The following CADPS2 variants were observed in gnomAD, a reference collection of about 807,000 sequenced individuals.
The protein encoded by CADPS2 is calcium-dependent secretion activator 2.
CADPS2 carries 93 observed loss-of-function variants against 172.5 expected under a neutral mutation model. The ratio of observed to expected loss-of-function variants is 0.54; its 90% confidence interval spans 0.46 to 0.64. The LOEUF (loss-of-function observed/expected upper bound fraction) is 0.64. Ranked by LOEUF, CADPS2 falls within the 30% of genes least tolerant of loss-of-function variation. The pLI is 0.00. For synonymous variants in CADPS2, 546 were observed against 555.2 expected, an observed-to-expected ratio of 0.98 and a Z score of 0.23; for missense variants, 1,420 against 1,565.9, an observed-to-expected ratio of 0.91 and a Z score of 1.57.
At chr7:122,625,052 TA>T (rs1316941194) in intron 4 of CADPS2, among the ~76,000 whole-genome samples, 4 of 60,854 alleles carry the variant, frequency 6.6e-5, no homozygotes, top group East Asian at 3.9e-4. Flanking sequence ...GATGATTAAT[TA>T]TTTTTTTTTT....
chr7:122,417,235 CATTCATTAAAT>C (rs2048030188), intron 17 of CADPS2, among the ~76,000 whole-genome samples: 2 of 152,126 alleles, frequency 1.3e-5, no homozygotes, highest in Non-Finnish European at 2.9e-5. Flanking sequence ...GATCGGTGCT[CATTCATTAAAT>C]ATTCATTATA....
intron 12 of CADPS2, among the ~76,000 whole-genome samples, chr7:122,477,261 C>T (rs1042306859): frequency 1.3e-5 from 2 of 152,044 alleles, no homozygotes; most frequent in Non-Finnish European, 2.9e-5. Flanking sequence ...GCCTGTAATC[C>T]CAGCACTTTG....
chr7:122,448,217 T>C (rs1294684499), intron 15 of CADPS2, among the ~76,000 whole-genome samples: 1 of 152,208 alleles, frequency 6.6e-6, no homozygotes, highest in Non-Finnish European at 1.5e-5. Flanking sequence ...ATCTGGTTTC[T>C]CTTTCTGGAA....
At chr7:122,721,422 T>C (rs2090381217) in intron 2 of CADPS2, among the ~76,000 whole-genome samples, 2 of 151,994 alleles carry the variant, frequency 1.3e-5, no homozygotes, top group Non-Finnish European at 2.9e-5. Context: ...TCTACGCAAA[T>C]AAACTAGAAA....
Position 122,886,020 on chromosome 7 carries a change from G to T in CADPS2, c.318C>A (p.Asp106Glu). 6.2e-7 allele frequency: 1 copy of T among 1,608,308 alleles called. No homozygotes were observed. The highest frequency in any genetic ancestry group is 8.5e-7 in the Non-Finnish European group (1 of 1,177,780). The change falls in exon 1 of 30, where the codon GAC becomes GAA. Residue 106 changes from aspartate to glutamate, a missense_variant. By Grantham distance (45) the Asp-to-Glu change is conservative. Transcript: ENST00000449022. ...AYPFNAKQPT[D>E]MARRQQKLNK... ...TCACCTTCTGCTGCCTCCGGGCCAT[G>T]TCGGTGGGCTGCTTGGCGTTGAAGG...
rs1220514198 is a variant in CADPS2 at position 122,360,829 on chromosome 7, T to C, written c.3472-9A>G. ...TTTGCAGCTGCTTTCACCTTAAGTG[T>C]GAAAGAAAGAGATAATCATGAGAAT... On this transcript the variant is annotated splice_polypyrimidine_tract_variant and intron_variant, in intron 26 of 29. Transcript: ENST00000449022. 1.3e-6 allele frequency: 2 copies of C among 1,572,128 alleles called. No homozygotes were observed. Among genetic ancestry groups the C allele is most frequent in the Non-Finnish European group, 8.6e-7 (1 of 1,158,132 alleles).
At chr7:122,632,060 ATGTG>A (rs1361875572) in intron 3 of CADPS2, among the ~76,000 whole-genome samples, 1 of 152,130 alleles carries the variant, frequency 6.6e-6, no homozygotes, top group African/African-American at 2.4e-5. Flanking sequence ...CATGGTATAT[ATGTG>A]TGTATGTATA....
At chr7:122,469,528 C>T (rs1389460082) in intron 14 of CADPS2, among the ~76,000 whole-genome samples, 1 of 152,054 alleles carries the variant, frequency 6.6e-6, no homozygotes, top group Non-Finnish European at 1.5e-5. Context: ...TTTCTAAGTG[C>T]AGAGGGTTGA....
chr7:122,842,837 A>G (rs530793260), intron 1 of CADPS2, among the ~76,000 whole-genome samples: 3 of 152,304 alleles, frequency 2.0e-5, no homozygotes, highest in East Asian at 1.9e-4. Context: ...CCTTGCCTAC[A>G]CTATCCACTA....
chr7:122,375,321 CA>C (rs796411506), intron 25 of CADPS2, among the ~76,000 whole-genome samples: 5 of 152,094 alleles, frequency 3.3e-5, no homozygotes, highest in African/African-American at 1.2e-4. Flanking sequence ...CTAAAATAAT[CA>C]AAAAAGTAAA....
chr7:122,443,864 GTATGTAGCC>G (rs777572833), intron 15 of CADPS2, among the ~76,000 whole-genome samples: 73 of 151,898 alleles, frequency 4.8e-4, no homozygotes, highest in Non-Finnish European at 9.3e-4. Context: ...CGGAAGAGAA[GTATGTAGCC>G]TTCATTTGTT....
chr7:122,657,715 A>T (rs1225957375), intron 3 of CADPS2, among the ~76,000 whole-genome samples: 1 of 152,186 alleles, frequency 6.6e-6, no homozygotes, highest in Admixed American at 6.5e-5. Flanking sequence ...TGGGGCTGAG[A>T]TGATGGGGTT....
At chr7:122,570,615 A>G (rs1215199926) in intron 7 of CADPS2, among the ~76,000 whole-genome samples, 1 of 150,356 alleles carries the variant, frequency 6.7e-6, no homozygotes, top group African/African-American at 2.5e-5. Context: ...TCACAATAGC[A>G]AAGACTTGGA....
At chr7:122,481,492 G>T (rs1289784368) in intron 11 of CADPS2, among the ~76,000 whole-genome samples, 1 of 152,102 alleles carries the variant, frequency 6.6e-6, no homozygotes, top group African/African-American at 2.4e-5. Context: ...TGTAATCCCA[G>T]CACTTCGGGA....
chr7:122,389,762 T>C (rs1585529897), intron 22 of CADPS2, among the ~76,000 whole-genome samples: 1 of 151,988 alleles, frequency 6.6e-6, no homozygotes, highest in South Asian at 2.1e-4. Flanking sequence ...TCACATATAC[T>C]AACTTAAAAT....
chr7:122,410,777 AATCTT>A (rs2047209217), intron 19 of CADPS2, among the ~76,000 whole-genome samples: 1 of 152,226 alleles, frequency 6.6e-6, no homozygotes, highest in Admixed American at 6.5e-5. Flanking sequence ...AATTCATATA[AATCTT>A]ATGTGAGTTT....
chr7:122,646,041 AAGTAACAAAG>A (rs1332812082), intron 3 of CADPS2, among the ~76,000 whole-genome samples: 1 of 151,942 alleles, frequency 6.6e-6, no homozygotes, highest in Non-Finnish European at 1.5e-5. Flanking sequence ...TCATTAAGTA[AAGTAACAAAG>A]ACACTATCAC....
intron 1 of CADPS2, among the ~76,000 whole-genome samples, chr7:122,859,570 A>G (rs1371813209): frequency 6.6e-6 from 1 of 152,190 alleles, no homozygotes. Flanking sequence ...AATGAAAAAC[A>G]TAAGAAAAAT....
intron 1 of CADPS2, among the ~76,000 whole-genome samples, chr7:122,783,758 G>C (rs1793362815): frequency 6.6e-6 from 1 of 152,186 alleles, no homozygotes; most frequent in African/African-American, 2.4e-5. Flanking sequence ...AACCACTTAA[G>C]CAACTGAGGT....
Sources: gnomAD v4.1 joint callset for allele counts (sites outside exome capture counted in the v4.1 genomes callset) on GRCh38, gnomAD v4.1.1 for gene constraint, MANE v1.5 for transcripts, NCBI Gene and HGNC (gene_info 2026-07-23, HGNC 2026-07-21) for gene names.